Variants in RABGAP1 observed in about 807,000 individuals in gnomAD.
The protein encoded by RABGAP1 is rab GTPase-activating protein 1.
In RABGAP1, 23 loss-of-function variants were observed where a neutral mutation model predicts 137.6. The ratio of observed to expected loss-of-function variants is 0.17; its 90% CI spans 0.12 to 0.24. The LOEUF is 0.24. Ranked by LOEUF, RABGAP1 falls within the 10% of genes least tolerant of loss-of-function variation. The pLI is 1.00. For missense variants in RABGAP1, 906 were observed against 1,275.8 expected, an observed-to-expected ratio of 0.71 and a Z score of 4.42; for synonymous variants, 451 against 450.7, an observed-to-expected ratio of 1.00 and a Z score of -0.01.
In RABGAP1 at chr9:123,076,203, A is replaced by T. The variant is rs201117502; in HGVS notation, c.2254-42A>T. ...AAGGACAAATAGCATAATAGTCGAGATATAAAAACTGACAGTGTTCTTTTT... is the reference window on the plus strand; with the variant it reads ...AAGGACAAATAGCATAATAGTCGAGTTATAAAAACTGACAGTGTTCTTTTT... On this transcript the variant is annotated intron_variant, in intron 17 of 25. Transcript: ENST00000373647. 2.5e-5 allele frequency: 39 copies of T among 1,580,724 alleles called. No homozygotes were observed. The East Asian group carries it at 7.9e-4, about 32-fold the overall frequency.
chr9:123,068,322 C>A (rs532934651), intron 14 of RABGAP1, among the ~76,000 whole-genome samples: 75 of 148,436 alleles, frequency 5.1e-4, no homozygotes, highest in Non-Finnish European at 9.6e-4. Flanking sequence ...TGCATTCCAC[C>A]TCGGGTGACA....
chr9:123,047,922 T>TG (rs2033282863), intron 13 of RABGAP1, among the ~76,000 whole-genome samples: 1 of 51,946 alleles, frequency 1.9e-5, no homozygotes, highest in Non-Finnish European at 2.8e-5. Flanking sequence ...CTGCTGGGTT[T>TG]TTTTTTTTTT....
At position 123,103,607 on chromosome 9, in the gene RABGAP1, A is replaced by ATATATATATATG. The variant is rs2035410041; in HGVS notation, c.*405_*406insGTATATATATAT. On this transcript the variant is annotated 3_prime_UTR_variant, in exon 26 of 26. Coordinates refer to ENST00000373647, the MANE Select transcript of RABGAP1 (RefSeq NM_012197.4). ...AATATACATATATATATATATATAT[A>ATATATATATATG]TATATATATATATATATATATATAT... The ATATATATATATG allele has an allele frequency of 2.7e-5, 2 of 73,856 alleles. No individual in the cohort carries two copies. The highest frequency in any genetic ancestry group is 2.7e-4 in the Admixed American group (2 of 7,448). The allele number at this position is 73,856 out of a possible 1,614,324, so 4.6% of individuals were successfully genotyped here.
chr9:122,943,004 C>T (rs1474433287), intron 1 of RABGAP1, among the ~76,000 whole-genome samples: 1 of 150,000 alleles, frequency 6.7e-6, no homozygotes, highest in East Asian at 2.1e-4. Context: ...ACAGCCAGTT[C>T]CCATCAAAAA....
chr9:123,065,563 A>G, intron 14 of RABGAP1, 102 bp downstream of exon 14: 2 of 895,370 alleles, frequency 2.2e-6, no homozygotes, highest in Non-Finnish European at 3.6e-6. Flanking sequence ...TTTGATGTTC[A>G]AGAATTCCAA....
intron 1 of RABGAP1, among the ~76,000 whole-genome samples, chr9:122,954,898 A>G (rs1444172536): frequency 6.6e-6 from 1 of 152,194 alleles, no homozygotes. Context: ...TAATTTCCTC[A>G]TTTTTGAAAT....
chr9:123,023,398 C>T (rs956950996), intron 13 of RABGAP1, among the ~76,000 whole-genome samples: 1 of 152,142 alleles, frequency 6.6e-6, no homozygotes, highest in Non-Finnish European at 1.5e-5. Flanking sequence ...CTAGGCTCGT[C>T]TCGAACTCCT....
intron 13 of RABGAP1, among the ~76,000 whole-genome samples, chr9:123,061,111 TTTG>T (rs201139569): frequency 2.0e-5 from 3 of 152,154 alleles, no homozygotes; most frequent in African/African-American, 7.2e-5. Context: ...TTTATTCATT[TTTG>T]TTGTTGTTGT....
At chr9:123,077,502 A>C (rs2034551621) in intron 19 of RABGAP1, among the ~76,000 whole-genome samples, 1 of 152,172 alleles carries the variant, frequency 6.6e-6, no homozygotes. Context: ...CAAAGCTAAT[A>C]ATACATGAAG....
chr9:122,945,147 C>CTTTTTTGTTTTTTTTTTTTTTT (rs1833873987), intron 1 of RABGAP1, among the ~76,000 whole-genome samples: 1 of 75,770 alleles, frequency 1.3e-5, no homozygotes, highest in Non-Finnish European at 2.9e-5. Flanking sequence ...ATAGCTGTTG[C>CTTTTTTGTTTTTTTTTTTTTTT]TTTTTTTTTT....
At chr9:123,024,628 C>G (rs1459316457) in intron 13 of RABGAP1, among the ~76,000 whole-genome samples, 1 of 151,944 alleles carries the variant, frequency 6.6e-6, no homozygotes, top group Non-Finnish European at 1.5e-5. Context: ...TTAGTAGATA[C>G]TAAGTTTCAC....
At chr9:122,989,913 G>C (rs1836578474) in intron 5 of RABGAP1, 143 bp from the exon 6 acceptor site, 2 of 931,228 alleles carry the variant, frequency 2.1e-6, no homozygotes, top group African/African-American at 3.4e-5. Flanking sequence ...TGCTTTATAG[G>C]CCTAACAAAT....
Position 123,103,821 on chromosome 9 carries a change from G to GT in RABGAP1, c.*611dup, listed in dbSNP as rs1426016285. The GT allele has an allele frequency of 2.6e-5, 4 of 151,292 alleles. No homozygotes were observed. The highest frequency in any genetic ancestry group is 9.7e-5 in the African/African-American group (4 of 41,110). The allele number at this position is 151,292 out of a possible 1,614,324, so 9.4% of individuals were successfully genotyped here. On this transcript the variant is annotated 3_prime_UTR_variant, in exon 26 of 26. Transcript: ENST00000373647. The stretch of plus-strand genomic sequence containing the variant: ...AGGTTTTGGGTTTGGCATTATTCAT[G>GT]TTTCTGATCAATTCTATGCAACTCT...
intron 19 of RABGAP1, among the ~76,000 whole-genome samples, chr9:123,088,359 C>A (rs146814496): frequency 2.9e-3 from 448 of 152,192 alleles, no homozygotes; most frequent in African/African-American, 0.01. Flanking sequence ...CATAATCAGT[C>A]CTTAAATTGC....
intron 14 of RABGAP1, among the ~76,000 whole-genome samples, chr9:123,066,463 A>G (rs557323822): frequency 7.2e-5 from 11 of 152,086 alleles, no homozygotes; most frequent in Non-Finnish European, 1.6e-4. Flanking sequence ...TGACTCCACT[A>G]TATTCTAGTT....
chr9:123,028,346 A>G (rs2032102925), intron 13 of RABGAP1, among the ~76,000 whole-genome samples: 1 of 152,258 alleles, frequency 6.6e-6, no homozygotes, highest in Non-Finnish European at 1.5e-5. Flanking sequence ...TGGTTTCAGG[A>G]AGTCTGCAGT....
intron 13 of RABGAP1, among the ~76,000 whole-genome samples, chr9:123,045,386 C>T (rs2033158645): frequency 6.6e-6 from 1 of 152,082 alleles, no homozygotes; most frequent in South Asian, 2.1e-4. Flanking sequence ...AGACTAAAGC[C>T]TTTTTTCATT....
chr9:123,048,888 T>G (rs536339307), intron 13 of RABGAP1, among the ~76,000 whole-genome samples: 2 of 152,348 alleles, frequency 1.3e-5, no homozygotes, highest in South Asian at 2.1e-4. Context: ...CATTTATGTC[T>G]TATTTATACA....
At chr9:123,058,062 G>GAGAGGGGT (rs2132091553) in intron 13 of RABGAP1, among the ~76,000 whole-genome samples, 1 of 151,064 alleles carries the variant, frequency 6.6e-6, no homozygotes, top group African/African-American at 2.4e-5. Flanking sequence ...GGGAGAGGGG[G>GAGAGGGGT]AGAGGGGGAG....
Sources: gnomAD v4.1 joint callset for allele counts (sites outside exome capture counted in the v4.1 genomes callset) on GRCh38, gnomAD v4.1.1 for gene constraint, MANE v1.5 for transcripts, NCBI Gene and HGNC (gene_info 2026-07-23, HGNC 2026-07-21) for gene names.